The following DOK6 variants were observed in gnomAD, a reference collection of about 807,000 sequenced individuals.
DOK6 encodes the protein docking protein 6.
Under a neutral mutation model 44.0 loss-of-function variants are expected in DOK6, and 22 were observed. The ratio of observed to expected loss-of-function variants is 0.50; its 90% CI spans 0.36 to 0.71. DOK6 has a LOEUF of 0.71. DOK6 is among the 30% of genes least tolerant of loss of function. DOK6 has a pLI of 0.00. For synonymous variants in DOK6, 166 were observed against 145.5 expected (o/e 1.14, Z -1.01); for missense variants, 340 against 416.4 (o/e 0.82, Z 1.60).
intron 7 of DOK6, among the ~76,000 whole-genome samples, chr18:69,771,081 C>T (rs377039841): frequency 6.6e-6 from 1 of 151,938 alleles, no homozygotes; most frequent in South Asian, 2.1e-4. Context: ...GGTATAAATA[C>T]ATTAAGTTTA....
At position 69,703,045 on chromosome 18, in the gene DOK6, C is replaced by T. The variant is rs59725590; in HGVS notation, c.599+4452C>T. Among the ~76,000 whole-genome samples, 739 of 85,308 alleles carry T rather than the reference C, an allele frequency of 8.7e-3. 2 individuals carry two copies. The highest frequency in any genetic ancestry group is 0.024 in the African/African-American group (672 of 27,710). 56.0% of individuals were successfully genotyped at this position (85,308 alleles called of 152,430 possible). ...TAAGTCATTTAATTAATGCTCTCTC[C>T]GAGGGGGAAAAAAAAAAAGCAGACC... On this transcript the variant is annotated intron_variant, in intron 5 of 7. Transcript: ENST00000382713.
At position 69,838,139 on chromosome 18, in the gene DOK6, AT is replaced by A. The variant is rs923640386; in HGVS notation, c.857-3098del. Among the ~76,000 whole-genome samples, 15 of 151,522 alleles carry A rather than the reference AT, an allele frequency of 9.9e-5. 1 individual carries two copies. The highest frequency in any genetic ancestry group is 2.2e-4 in the African/African-American group (9 of 41,196). On this transcript the variant is annotated intron_variant, in intron 7 of 7. Coordinates refer to ENST00000382713, the MANE Select transcript of DOK6 (RefSeq NM_152721.6). The stretch of plus-strand genomic sequence containing the variant: ...TCTAATTTGAATTTTCTTTTTTTAT[AT>A]TTTTTTATTATAACTTAAGCTTCAC...
At chr18:69,800,337 GC>G (rs1238990686) in intron 7 of DOK6, among the ~76,000 whole-genome samples, 2 of 152,006 alleles carry the variant, frequency 1.3e-5, no homozygotes, top group African/African-American at 4.8e-5. Flanking sequence ...TAACAAAGAA[GC>G]TAAATCATCC....
chr18:69,811,524 T>TTATATATATATA (rs57486782), intron 7 of DOK6, among the ~76,000 whole-genome samples: 1 of 93,756 alleles, frequency 1.1e-5, no homozygotes, highest in African/African-American at 4.6e-5. Context: ...AACCATTCCA[T>TTATATATATATA]TATATATATA....
intron 3 of DOK6, among the ~76,000 whole-genome samples, chr18:69,611,759 C>T (rs11151515): frequency 0.86 from 130,430 of 152,178 alleles, 56,762 homozygotes; most frequent in Non-Finnish European, 0.95. Flanking sequence ...GTTTACATAT[C>T]CTTTCAATGA....
chr18:69,485,890 T>C (rs1252630525), intron 1 of DOK6, among the ~76,000 whole-genome samples: 1 of 151,074 alleles, frequency 6.6e-6, no homozygotes, highest in Non-Finnish European at 1.5e-5. Flanking sequence ...TATGTGTGTG[T>C]GTGTGTGTGT....
At chr18:69,501,998 T>C (rs1415361115) in intron 1 of DOK6, among the ~76,000 whole-genome samples, 1 of 152,142 alleles carries the variant, frequency 6.6e-6, no homozygotes, top group African/African-American at 2.4e-5. Flanking sequence ...TTCCTTAATG[T>C]CTTCAGAAGA....
intron 2 of DOK6, among the ~76,000 whole-genome samples, chr18:69,581,714 G>T (rs998726987): frequency 6.6e-6 from 1 of 152,186 alleles, no homozygotes; most frequent in African/African-American, 2.4e-5. Flanking sequence ...GACTGAAAAA[G>T]CAGAATGATC....
intron 1 of DOK6, among the ~76,000 whole-genome samples, chr18:69,442,016 A>G (rs1350083516): frequency 1.3e-5 from 2 of 152,160 alleles, no homozygotes; most frequent in Non-Finnish European, 2.9e-5. Context: ...ATGCAGAGAT[A>G]GAGGTAAGAG....
intron 1 of DOK6, among the ~76,000 whole-genome samples, chr18:69,485,879 A>ATGTG (rs1411352229): frequency 2.4e-5 from 2 of 83,520 alleles, no homozygotes; most frequent in African/African-American, 5.1e-5. Flanking sequence ...GTATACGTAT[A>ATGTG]TATGTGTGTG....
chr18:69,625,318 T>C (rs1274859699), intron 3 of DOK6, among the ~76,000 whole-genome samples: 2 of 152,158 alleles, frequency 1.3e-5, no homozygotes. Context: ...TAATTTGTTA[T>C]AGAATTTGTC....
intron 1 of DOK6, among the ~76,000 whole-genome samples, chr18:69,529,998 T>G (rs1415334301): frequency 6.6e-6 from 1 of 152,188 alleles, no homozygotes; most frequent in Non-Finnish European, 1.5e-5. Flanking sequence ...TACTTATCTA[T>G]CAAATTAGAC....
chr18:69,518,506 T>A (rs768194450), intron 1 of DOK6, among the ~76,000 whole-genome samples: 1 of 152,174 alleles, frequency 6.6e-6, no homozygotes, highest in Non-Finnish European at 1.5e-5. Context: ...TAAATATTTT[T>A]ATGTATTATT....
chr18:69,616,007 T>C (rs1052344122), intron 3 of DOK6, among the ~76,000 whole-genome samples: 1 of 152,178 alleles, frequency 6.6e-6, no homozygotes, highest in Non-Finnish European at 1.5e-5. Flanking sequence ...GAAAAACATA[T>C]TGGCTGCTAA....
intron 5 of DOK6, among the ~76,000 whole-genome samples, chr18:69,714,664 G>C (rs553816188): frequency 6.6e-6 from 1 of 151,880 alleles, no homozygotes; most frequent in Non-Finnish European, 1.5e-5. Context: ...ACTAATAAAC[G>C]TTGCAAAGAG....
chr18:69,838,004 C>CT (rs1365174267), intron 7 of DOK6, among the ~76,000 whole-genome samples: 1 of 152,134 alleles, frequency 6.6e-6, no homozygotes, highest in African/African-American at 2.4e-5. Flanking sequence ...CACACTTTGC[C>CT]TTTCCTGTGG....
Position 69,534,560 on chromosome 18 carries a change from G to T in DOK6, c.67-29927G>T, listed in dbSNP as rs146310717. Among the ~76,000 whole-genome samples the T allele has an allele frequency of 6.3e-3, 958 of 151,030 alleles. 8 individuals carry two copies. Among genetic ancestry groups the T allele is most frequent in the African/African-American group, 0.022 (889 of 41,140 alleles). On this transcript the variant is annotated intron_variant, in intron 1 of 7. Coordinates refer to ENST00000382713, the MANE Select transcript of DOK6 (RefSeq NM_152721.6). ...TGCATGGGAACTGATTCTTTGTATG[G>T]TGTGAGTTTGGAGTAAAACTTGTTC... is the stretch of plus-strand genomic sequence containing the variant.
chr18:69,720,508 G>A (rs1042354663), intron 5 of DOK6, among the ~76,000 whole-genome samples: 2 of 152,094 alleles, frequency 1.3e-5, no homozygotes, highest in African/African-American at 4.8e-5. Context: ...GTTGTTATTG[G>A]CACAAAGCTT....
chr18:69,702,577 C>A (rs1599272672), intron 5 of DOK6, among the ~76,000 whole-genome samples: 1 of 152,104 alleles, frequency 6.6e-6, no homozygotes, highest in Non-Finnish European at 1.5e-5. Context: ...CAAAATATAC[C>A]CCAATTTCAG....
Sources: gnomAD v4.1 joint callset for allele counts (sites outside exome capture counted in the v4.1 genomes callset) on GRCh38, gnomAD v4.1.1 for gene constraint, MANE v1.5 for transcripts, NCBI Gene and HGNC (gene_info 2026-07-23, HGNC 2026-07-21) for gene names.